The following TGM2 variants were observed in gnomAD, a reference collection of about 807,000 sequenced individuals.
TGM2 encodes the protein transglutaminase 2.
A neutral mutation model predicts 75.6 loss-of-function variants in TGM2; 53 were observed. That is an observed-to-expected ratio of 0.70 (90% CI 0.56 to 0.88). The LOEUF (loss-of-function observed/expected upper bound fraction) is 0.88, where lower values mean the gene tolerates loss of function less well. Ranked by LOEUF, TGM2 falls within the 40% of genes least tolerant of loss-of-function variation. The pLI is 0.00. For synonymous variants in TGM2, 374 were observed against 381.1 expected, an observed-to-expected ratio of 0.98 and a Z score of 0.22; for missense variants, 842 against 928.5, an observed-to-expected ratio of 0.91 and a Z score of 1.21.
At chr20:38,160,867 T>G (rs1485038684) in intron 2 of TGM2, among the ~76,000 whole-genome samples, 3 of 152,206 alleles carry the variant, frequency 2.0e-5, no homozygotes, top group Non-Finnish European at 4.4e-5. Context: ...TGTCTTGCTA[T>G]GTTGTCCAGG....
chr20:38,165,238 AC>A lies in TGM2; in HGVS notation c.-41del, dbSNP rs755408856. ...GGTGGCTCCTTCCACTGGCGGCGAGACCCTCCAAGTGCGACCACTGGCGGCT... is the reference window on the plus strand; with the variant it reads ...GGTGGCTCCTTCCACTGGCGGCGAGACCTCCAAGTGCGACCACTGGCGGCT... On this transcript the variant is annotated 5_prime_UTR_variant, in exon 1 of 13. Coordinates refer to ENST00000361475, the MANE Select transcript of TGM2 (RefSeq NM_004613.4). The A allele has an allele frequency of 6.2e-7, 1 of 1,610,690 alleles. No individual in the cohort carries two copies. The highest frequency in any genetic ancestry group is 1.3e-5 in the African/African-American group (1 of 74,532).
At position 38,148,991 on chromosome 20, in the gene TGM2, G is replaced by C. The variant is rs551988418; in HGVS notation, c.553-902C>G. On this transcript the variant is annotated intron_variant, in intron 4 of 12. Transcript: ENST00000361475. ...CCTTCCACGGTGTGAACCCTCTGTG[G>C]CTCCCTATTGCCATCGGCCTAATGT... 6.6e-5 allele frequency among the ~76,000 whole-genome samples: 10 copies of C among 152,236 alleles called. No homozygotes were observed. The East Asian group carries it at 1.9e-3, about 29-fold the overall frequency.
intron 3 of TGM2, among the ~76,000 whole-genome samples, chr20:38,153,044 G>T (rs560616393): frequency 5.3e-5 from 7 of 133,182 alleles, no homozygotes; most frequent in African/African-American, 1.9e-4. Flanking sequence ...GGGGCGGGGG[G>T]GGGGATCCAG....
intron 6 of TGM2, among the ~76,000 whole-genome samples, chr20:38,144,683 C>G (rs1338239278): frequency 6.6e-6 from 1 of 152,198 alleles, no homozygotes; most frequent in African/African-American, 2.4e-5. Flanking sequence ...AATTCTCTTG[C>G]CCAAGTCCAC....
upstream of TGM2, chr20:38,165,273 C>G (rs1225687576): frequency 2.5e-6 from 4 of 1,605,280 alleles, no homozygotes; most frequent in South Asian, 3.3e-5. Flanking sequence ...CTGGCACTGC[C>G]GAGGCGGAGA....
At chr20:38,130,689 A>G (rs1477033918) in intron 12 of TGM2, among the ~76,000 whole-genome samples, 1 of 150,696 alleles carries the variant, frequency 6.6e-6, no homozygotes. Context: ...AAGTTACATT[A>G]CAGTAAAAAA....
chr20:38,132,238 G>C, intron 11 of TGM2, 102 bp downstream of exon 11: 1 of 1,375,540 alleles, frequency 7.3e-7, no homozygotes, highest in Non-Finnish European at 1.0e-6. Context: ...CAAAGGTCTG[G>C]AGCTTGCAGG....
chr20:38,157,708 T>C (rs1427917308), intron 2 of TGM2, among the ~76,000 whole-genome samples: 1 of 152,210 alleles, frequency 6.6e-6, no homozygotes, highest in Non-Finnish European at 1.5e-5. Flanking sequence ...TGGTGTATAG[T>C]AAGTGCTCAG....
At chr20:38,150,181 T>G (rs2075099887) in intron 4 of TGM2, among the ~76,000 whole-genome samples, 1 of 152,134 alleles carries the variant, frequency 6.6e-6, no homozygotes, top group African/African-American at 2.4e-5. Context: ...CATCACCAGT[T>G]TAGAGAACCA....
Position 38,138,296 on chromosome 20 carries a change from G to A in TGM2, c.1432C>T (p.Arg478Cys), listed in dbSNP as rs753373970. 2.0e-5 allele frequency: 32 copies of A among 1,614,050 alleles called. No homozygotes were observed. Among genetic ancestry groups the A allele is most frequent in the African/African-American group, 2.7e-5 (2 of 74,916 alleles). Reference sequence around the variant, plus strand: ...CCCATGTTCATGCTCTGGCCCACACGGATCCGCATGGCCATCCCTGTCTCC... The same window carrying A: ...CCCATGTTCATGCTCTGGCCCACACAGATCCGCATGGCCATCCCTGTCTCC... ...KEETGMAMRIRVGQSMNMGSD... is the reference protein window; with the variant it reads ...KEETGMAMRICVGQSMNMGSD... The change falls in exon 10 of 13, where the codon CGT (arginine) becomes TGT (cysteine). Residue 478 changes from arginine (R) to cysteine (C), a missense_variant. Coordinates refer to ENST00000361475, the MANE Select transcript of TGM2 (RefSeq NM_004613.4).
intron 2 of TGM2, among the ~76,000 whole-genome samples, chr20:38,157,187 G>A (rs1231917576): frequency 6.6e-5 from 10 of 152,066 alleles, no homozygotes; most frequent in African/African-American, 9.7e-5. Flanking sequence ...GACATTATTG[G>A]GGCCTGCTCA....
chr20:38,157,430 A>C (rs1359879975), intron 2 of TGM2, among the ~76,000 whole-genome samples: 1 of 152,028 alleles, frequency 6.6e-6, no homozygotes, highest in African/African-American at 2.4e-5. Context: ...TGGCTCCCTG[A>C]CTCTGCCCCT....
At position 38,151,023 on chromosome 20, in the gene TGM2, C is replaced by A; in HGVS notation, c.468G>T (p.Arg156=). ...CCTGCTGGGTGAGGACATACTCCTG[C>A]CGCTCCTCTTCCGAGTCCAGGTACA... ...DAVYLDSEEE[R]QEYVLTQQGF... is the part of the protein sequence containing the mutation. Residue 156 remains arginine, a synonymous_variant, in exon 4 of 13, where the codon CGG becomes CGT. Transcript: ENST00000361475. 1 of 1,614,154 alleles carries A rather than the reference C, an allele frequency of 6.2e-7. No homozygotes were observed. Among genetic ancestry groups the A allele is most frequent in the Non-Finnish European group, 8.5e-7 (1 of 1,180,002 alleles).
intron 5 of TGM2, 43 bp downstream of exon 5, chr20:38,147,918 C>T (rs777330961): frequency 6.9e-6 from 11 of 1,587,376 alleles, no homozygotes; most frequent in East Asian, 2.3e-5. Flanking sequence ...TGCGGGAGCC[C>T]CCTGTAGGCC....
intron 1 of TGM2, among the ~76,000 whole-genome samples, chr20:38,162,021 A>G (rs942625001): frequency 6.6e-6 from 1 of 152,032 alleles, no homozygotes; most frequent in African/African-American, 2.4e-5. Context: ...TGGTTTTGCC[A>G]TGTTGCCCAG....
chr20:38,158,342 T>G (rs1366985092), intron 2 of TGM2, among the ~76,000 whole-genome samples: 2 of 151,812 alleles, frequency 1.3e-5, no homozygotes, highest in Admixed American at 6.6e-5. Flanking sequence ...CTTCACAAAT[T>G]CCTTGGCTGC....
Position 38,141,420 on chromosome 20 carries a change from C to T in TGM2, c.996-35G>A, listed in dbSNP as rs1441935773. ...ATAGGGGGGCGGGAATGAAGCAGAA[C>T]ATGAGCAACATTCATCGCCACCTCC... On this transcript the variant is annotated intron_variant, in intron 7 of 12. Transcript: ENST00000361475. The T allele has an allele frequency of 2.0e-6, 3 of 1,468,044 alleles. No individual in the cohort carries two copies. In the Admixed American group the frequency reaches 5.9e-5, roughly 29 times the overall value. The allele number at this position is 1,468,044 out of a possible 1,614,324, so 90.9% of individuals were successfully genotyped here.
chr20:38,148,197 A>C (rs2075070170), intron 4 of TGM2, 108 bp from the exon 5 acceptor site: 1 of 1,442,134 alleles, frequency 6.9e-7, no homozygotes, highest in Admixed American at 1.7e-5. Flanking sequence ...CCCACACAGC[A>C]GACTGGGACA....
At chr20:38,153,248 G>C (rs2075136245) in intron 3 of TGM2, among the ~76,000 whole-genome samples, 1 of 152,188 alleles carries the variant, frequency 6.6e-6, no homozygotes. Context: ...GATGTGGCCG[G>C]GCGTGGTGGC....
Sources: gnomAD v4.1 joint callset for allele counts (sites outside exome capture counted in the v4.1 genomes callset) on GRCh38, gnomAD v4.1.1 for gene constraint, MANE v1.5 for transcripts, NCBI Gene and HGNC (gene_info 2026-07-23, HGNC 2026-07-21) for gene names.